Variants in NALF1 observed in about 807,000 individuals in gnomAD.
The protein encoded by NALF1 is NALCN channel auxiliary factor 1.
NALF1 carries 3 observed loss-of-function variants against 48.4 expected under a neutral mutation model. The ratio of observed to expected loss-of-function variants is 0.06; its 90% CI spans 0.03 to 0.16. NALF1 has a LOEUF of 0.16. Among genes scored for constraint, NALF1 ranks in the 10% least tolerant of loss-of-function variants. NALF1 has a pLI of 1.00. For missense variants in NALF1, 526 were observed against 571.5 expected, an observed-to-expected ratio of 0.92 and a Z score of 0.81; for synonymous variants, 262 against 245.7, an observed-to-expected ratio of 1.07 and a Z score of -0.62.
intron 1 of NALF1, among the ~76,000 whole-genome samples, chr13:107,375,756 A>G (rs1411293879): frequency 2.0e-5 from 3 of 152,192 alleles, no homozygotes; most frequent in Admixed American, 1.3e-4. Flanking sequence ...ATCCTGATAA[A>G]CTATCACAGT....
At chr13:107,540,769 A>G (rs1357477703) in intron 1 of NALF1, among the ~76,000 whole-genome samples, 1 of 152,130 alleles carries the variant, frequency 6.6e-6, no homozygotes, top group Non-Finnish European at 1.5e-5. Context: ...TCTGGGATAC[A>G]TATGTATGTG....
At chr13:107,652,744 A>G (rs1369447476) in intron 1 of NALF1, among the ~76,000 whole-genome samples, 1 of 152,196 alleles carries the variant, frequency 6.6e-6, no homozygotes, top group Admixed American at 6.5e-5. Flanking sequence ...TTCAACTGCA[A>G]CATTCCAGGA....
intron 1 of NALF1, among the ~76,000 whole-genome samples, chr13:107,301,339 A>G (rs1881833664): frequency 6.6e-6 from 1 of 152,240 alleles, no homozygotes; most frequent in Non-Finnish European, 1.5e-5. Flanking sequence ...CGAAAAAGAG[A>G]ACGCAATAGC....
chr13:107,444,730 T>C (rs1000589992), intron 1 of NALF1, among the ~76,000 whole-genome samples: 1 of 152,208 alleles, frequency 6.6e-6, no homozygotes, highest in Non-Finnish European at 1.5e-5. Context: ...ACCATATTTA[T>C]ACAAGTCTTG....
chr13:107,609,888 G>A (rs1879181374), intron 1 of NALF1, among the ~76,000 whole-genome samples: 1 of 152,142 alleles, frequency 6.6e-6, no homozygotes, highest in Non-Finnish European at 1.5e-5. Context: ...ACATATGTGT[G>A]TGTGTTTCTC....
intron 1 of NALF1, among the ~76,000 whole-genome samples, chr13:107,690,643 T>C (rs1881544857): frequency 6.6e-6 from 1 of 152,140 alleles, no homozygotes; most frequent in Non-Finnish European, 1.5e-5. Flanking sequence ...GAAATAAAAA[T>C]ATCTTTTAGA....
At chr13:107,411,888 A>C (rs1883998203) in intron 1 of NALF1, among the ~76,000 whole-genome samples, 1 of 152,094 alleles carries the variant, frequency 6.6e-6, no homozygotes, top group African/African-American at 2.4e-5. Flanking sequence ...TCAAAGCAGA[A>C]CACGCCCCAG....
At chr13:107,207,374 T>A (rs1004558507) in intron 2 of NALF1, among the ~76,000 whole-genome samples, 1 of 152,194 alleles carries the variant, frequency 6.6e-6, no homozygotes, top group Admixed American at 6.5e-5. Context: ...TATTTAAAAA[T>A]CCGTGTACAT....
chr13:107,840,178 A>G (rs1880005431), intron 1 of NALF1, among the ~76,000 whole-genome samples: 1 of 152,192 alleles, frequency 6.6e-6, no homozygotes, highest in Non-Finnish European at 1.5e-5. Flanking sequence ...ACCTAACTCT[A>G]TACATGCAAC....
intron 1 of NALF1, among the ~76,000 whole-genome samples, chr13:107,431,814 T>C (rs9520441): frequency 0.2 from 30,320 of 152,096 alleles, 3,437 homozygotes; most frequent in Middle Eastern, 0.28. Flanking sequence ...AAAAAGGCCA[T>C]TGTATGTAGT....
intron 1 of NALF1, among the ~76,000 whole-genome samples, chr13:107,450,002 C>T (rs1884713534): frequency 2.0e-5 from 3 of 152,052 alleles, no homozygotes; most frequent in Admixed American, 2.0e-4. Context: ...AGTGTTTGTG[C>T]AGGAAGAGGT....
At chr13:107,302,210 C>G (rs755185303) in intron 1 of NALF1, among the ~76,000 whole-genome samples, 2 of 152,130 alleles carry the variant, frequency 1.3e-5, no homozygotes, top group African/African-American at 2.4e-5. Context: ...CTGCAGAGCC[C>G]ACACCAGGAG....
At chr13:107,491,728 C>A (rs1296692209) in intron 1 of NALF1, among the ~76,000 whole-genome samples, 1 of 152,104 alleles carries the variant, frequency 6.6e-6, no homozygotes, top group African/African-American at 2.4e-5. Flanking sequence ...TGCCCTCCAC[C>A]AACACTCTCG....
At chr13:107,351,081 G>C (rs1882863672) in intron 1 of NALF1, among the ~76,000 whole-genome samples, 1 of 152,182 alleles carries the variant, frequency 6.6e-6, no homozygotes, top group Admixed American at 6.5e-5. Flanking sequence ...AGATATCAGT[G>C]GCCGGTAAAC....
chr13:107,410,194 T>G (rs183794870), intron 1 of NALF1, among the ~76,000 whole-genome samples: 1 of 152,214 alleles, frequency 6.6e-6, no homozygotes, highest in Admixed American at 6.5e-5. Context: ...GTTGGGTTGA[T>G]GCAGCCATGA....
At chr13:107,256,353 T>C (rs545805069) in intron 1 of NALF1, among the ~76,000 whole-genome samples, 4 of 152,156 alleles carry the variant, frequency 2.6e-5, no homozygotes, top group Non-Finnish European at 5.9e-5. Context: ...AAGTCAGCCA[T>C]AACGGGAGTA....
intron 1 of NALF1, among the ~76,000 whole-genome samples, chr13:107,773,359 T>A (rs949011802): frequency 1.3e-5 from 2 of 152,128 alleles, no homozygotes; most frequent in Non-Finnish European, 2.9e-5. Context: ...ATAAACAAGC[T>A]CAGAAACAGT....
At chr13:107,712,410 G>C (rs1245941004) in intron 1 of NALF1, among the ~76,000 whole-genome samples, 2 of 152,164 alleles carry the variant, frequency 1.3e-5, no homozygotes, top group Non-Finnish European at 2.9e-5. Flanking sequence ...CCCCCAGCCT[G>C]AAAAAACACA....
chr13:107,594,052 T>C (rs1235892303), intron 1 of NALF1, among the ~76,000 whole-genome samples: 1 of 152,008 alleles, frequency 6.6e-6, no homozygotes, highest in Non-Finnish European at 1.5e-5. Context: ...ACCTTCTAGA[T>C]AACGATCCAT....
Sources: allele counts gnomAD v4.1 joint callset (sites outside exome capture counted in the v4.1 genomes callset), GRCh38; gene constraint gnomAD v4.1.1; transcripts MANE v1.5; gene names NCBI Gene and HGNC (gene_info 2026-07-23, HGNC 2026-07-21).